Variants in MEI4 observed in about 807,000 individuals in gnomAD.
MEI4 encodes the protein meiosis-specific protein MEI4.
MEI4 carries 27 observed loss-of-function variants against 31.4 expected under a neutral mutation model. The observed-to-expected ratio is 0.86, with a 90% CI of 0.63 to 1.19. MEI4 has a LOEUF of 1.19. Among genes scored for constraint, MEI4 ranks in the 50% most tolerant of loss-of-function variants. The probability of loss-of-function intolerance (pLI) is 0.00; values close to 1 mark genes in which losing one functional copy is unlikely to be tolerated. For missense variants in MEI4, 329 were observed against 398.9 expected (o/e 0.82, Z 1.49); for synonymous variants, 122 against 145.4 (o/e 0.84, Z 1.16).
rs982590937 is a variant in MEI4 at position 77,925,868 on chromosome 6, T to C, written c.*2522T>C. ...AGTAATATTATACATATATATACGA[T>C]ATGTATAATAAATACCAAATAGCCA... On this transcript the variant is annotated 3_prime_UTR_variant, in exon 5 of 5. Transcript: ENST00000684080. The C allele has an allele frequency of 6.7e-6, 1 of 150,016 alleles. No homozygotes were observed. Among genetic ancestry groups the C allele is most frequent in the Admixed American group, 6.7e-5 (1 of 14,922 alleles). 9.3% of individuals were successfully genotyped at this position (150,016 alleles called of 1,614,324 possible).
At chr6:77,729,768 C>G (rs949546868) in intron 2 of MEI4, among the ~76,000 whole-genome samples, 9 of 152,114 alleles carry the variant, frequency 5.9e-5, no homozygotes, top group South Asian at 4.1e-4. Context: ...TTAGGAAACA[C>G]TGAATGTCTA....
At chr6:77,659,980 A>G (rs1326246622) in intron 1 of MEI4, among the ~76,000 whole-genome samples, 6 of 152,132 alleles carry the variant, frequency 3.9e-5, no homozygotes, top group Admixed American at 3.9e-4. Flanking sequence ...AGTGTGAAGG[A>G]GGGCGGCAGC....
At chr6:77,781,996 C>T (rs1192607731) in intron 3 of MEI4, among the ~76,000 whole-genome samples, 1 of 151,960 alleles carries the variant, frequency 6.6e-6, no homozygotes, top group Non-Finnish European at 1.5e-5. Flanking sequence ...TTTTTTTAAC[C>T]CTCTGCACTC....
intron 1 of MEI4, among the ~76,000 whole-genome samples, chr6:77,662,616 G>C (rs770385078): frequency 2.0e-5 from 3 of 152,196 alleles, no homozygotes; most frequent in Non-Finnish European, 2.9e-5. Flanking sequence ...GCCTCTAAAA[G>C]TATTAATGCA....
chr6:77,677,035 T>TA (rs1222697464), intron 1 of MEI4, among the ~76,000 whole-genome samples: 18 of 152,182 alleles, frequency 1.2e-4, no homozygotes, highest in African/African-American at 4.3e-4. Context: ...TAATGGTCTA[T>TA]AGAGAGGCAA....
chr6:77,732,914 A>T lies in MEI4; in HGVS notation c.233-28216A>T, dbSNP rs190877154. On this transcript the variant is annotated intron_variant, in intron 2 of 4. Coordinates refer to ENST00000684080, the MANE Select transcript of MEI4 (RefSeq NM_001322247.2). Reference sequence around the variant, plus strand: ...GTGGTTTTTGTCTTTGGTTCTGTTTATATGCTGGTTACATTTATTGATTTG... The same window carrying T: ...GTGGTTTTTGTCTTTGGTTCTGTTTTTATGCTGGTTACATTTATTGATTTG... Among the ~76,000 whole-genome samples the T allele has an allele frequency of 4.5e-3, 683 of 151,246 alleles. 12 individuals carry two copies. The highest frequency in any genetic ancestry group is 0.014 in the African/African-American group (570 of 41,404).
chr6:77,815,128 C>A (rs1398628422), intron 3 of MEI4, among the ~76,000 whole-genome samples: 1 of 152,046 alleles, frequency 6.6e-6, no homozygotes, highest in Non-Finnish European at 1.5e-5. Context: ...CTAACCCCCA[C>A]AAGAAAGGGT....
At chr6:77,916,515 C>T (rs1251823844) in intron 4 of MEI4, among the ~76,000 whole-genome samples, 1 of 151,960 alleles carries the variant, frequency 6.6e-6, no homozygotes, top group Non-Finnish European at 1.5e-5. Context: ...ATTGTGTGGT[C>T]TTCTTATGAT....
intron 2 of MEI4, among the ~76,000 whole-genome samples, chr6:77,711,062 T>C (rs1164565651): frequency 1.3e-5 from 2 of 152,172 alleles, no homozygotes; most frequent in Non-Finnish European, 2.9e-5. Flanking sequence ...ATAAGTGAGA[T>C]GATGCCATAT....
At chr6:77,660,328 T>C (rs1445284324) in intron 1 of MEI4, among the ~76,000 whole-genome samples, 8 of 152,054 alleles carry the variant, frequency 5.3e-5, no homozygotes, top group Non-Finnish European at 1.0e-4. Flanking sequence ...TAGAACTTCA[T>C]CAGGGTGGAA....
intron 2 of MEI4, among the ~76,000 whole-genome samples, chr6:77,705,029 C>G (rs1766301314): frequency 6.6e-6 from 1 of 152,068 alleles, no homozygotes; most frequent in Non-Finnish European, 1.5e-5. Flanking sequence ...ACAGCAACAA[C>G]AACAATAAAA....
At chr6:77,747,066 C>T (rs986324970) in intron 2 of MEI4, among the ~76,000 whole-genome samples, 2 of 152,054 alleles carry the variant, frequency 1.3e-5, no homozygotes, top group Non-Finnish European at 2.9e-5. Context: ...AATCCCAGTA[C>T]TTTGGGAGGC....
intron 4 of MEI4, among the ~76,000 whole-genome samples, chr6:77,883,731 T>TATATACATATACATATATATATATAC (rs1562025118): frequency 3.5e-5 from 5 of 141,300 alleles, no homozygotes; most frequent in South Asian, 2.2e-4. Context: ...TATATATATA[T>TATATACATATACATATATATATATAC]ATATATATAT....
intron 3 of MEI4, among the ~76,000 whole-genome samples, chr6:77,774,264 T>C (rs948154382): frequency 6.6e-5 from 10 of 152,072 alleles, no homozygotes; most frequent in African/African-American, 2.4e-4. Flanking sequence ...GCAATCTAAG[T>C]GTCCATCATC....
intron 1 of MEI4, among the ~76,000 whole-genome samples, chr6:77,681,834 C>G (rs1768962896): frequency 6.6e-6 from 1 of 152,156 alleles, no homozygotes. Context: ...TCTTTGCAAG[C>G]CTTCTGTCAC....
intron 4 of MEI4, among the ~76,000 whole-genome samples, chr6:77,863,801 A>C (rs1770939096): frequency 6.6e-6 from 1 of 152,210 alleles, no homozygotes; most frequent in Non-Finnish European, 1.5e-5. Context: ...AGTTGAAATG[A>C]AGGCAAAAAT....
At chr6:77,766,523 C>A (rs759663925) in intron 3 of MEI4, among the ~76,000 whole-genome samples, 1 of 152,178 alleles carries the variant, frequency 6.6e-6, no homozygotes, top group Admixed American at 6.5e-5. Flanking sequence ...ACGCCATTCT[C>A]CTGCCTCAGC....
rs12202838 is a variant in MEI4, at chr6:77,822,623, C to T, written c.769-6308C>T. On this transcript the variant is annotated intron_variant, in intron 3 of 4. Transcript: ENST00000684080. ...GATTGCATTTGGATACCCCCCCCCC[C>T]TTTTTTTTTTTCTTGAGACAGAGTC... Among the ~76,000 whole-genome samples, 507 of 84,404 alleles carry T rather than the reference C, an allele frequency of 6.0e-3. 7 individuals are homozygous for T. Among genetic ancestry groups the T allele is most frequent in the East Asian group, 0.034 (78 of 2,286 alleles). The allele number at this position is 84,404 out of a possible 152,430, so 55.4% of individuals were successfully genotyped here. A position where few individuals can be genotyped will look rare whatever the true frequency, so the allele number is the denominator to read the frequency against.
At chr6:77,794,867 T>C (rs9443472) in intron 3 of MEI4, among the ~76,000 whole-genome samples, 1,572 of 152,328 alleles carry the variant, frequency 0.01, 28 homozygotes, top group African/African-American at 0.036. Flanking sequence ...ACTTTAAGAA[T>C]GTTGATATCA....
Sources: allele counts gnomAD v4.1 joint callset (sites outside exome capture counted in the v4.1 genomes callset), GRCh38; gene constraint gnomAD v4.1.1; transcripts MANE v1.5; gene names NCBI Gene and HGNC (gene_info 2026-07-23, HGNC 2026-07-21).